The following MET variants were observed in gnomAD, a reference collection of about 807,000 sequenced individuals.
MET encodes hepatocyte growth factor receptor.
A neutral mutation model predicts 133.1 loss-of-function variants in MET; 48 were observed. That is an observed-to-expected ratio of 0.36 (90% confidence interval 0.29 to 0.46). The LOEUF is 0.46. Ranked by LOEUF, MET falls within the 20% of genes least tolerant of loss-of-function variation. MET has a pLI of 1.00. For synonymous variants in MET, 628 were observed against 616.5 expected, an observed-to-expected ratio of 1.02 and a Z score of -0.28; for missense variants, 1,442 against 1,695.9, an observed-to-expected ratio of 0.85 and a Z score of 2.63.
At chr7:116,791,276 A>G (rs1795482911) in intron 19 of MET, among the ~76,000 whole-genome samples, 1 of 152,198 alleles carries the variant, frequency 6.6e-6, no homozygotes, top group African/African-American at 2.4e-5. Context: ...GAAACTGCCA[A>G]CTATTTTTCA....
At chr7:116,757,081 AT>A (rs1264467440) in intron 6 of MET, among the ~76,000 whole-genome samples, 3 of 150,646 alleles carry the variant, frequency 2.0e-5, no homozygotes, top group South Asian at 2.1e-4. Flanking sequence ...AAAAAAAAAA[AT>A]TTTTTTTTAA....
chr7:116,746,378 C>T (rs894150896), intron 5 of MET, among the ~76,000 whole-genome samples: 14 of 152,162 alleles, frequency 9.2e-5, no homozygotes, highest in Non-Finnish European at 1.8e-4. Flanking sequence ...GTGGTGATTC[C>T]TTAGGGATCT....
At chr7:116,698,252 G>A (rs1356646352) in intron 1 of MET, among the ~76,000 whole-genome samples, 1 of 152,118 alleles carries the variant, frequency 6.6e-6, no homozygotes, top group Non-Finnish European at 1.5e-5. Flanking sequence ...TAGAAATACT[G>A]TCTATATGCA....
At chr7:116,763,485 T>C (rs1427793414) in intron 11 of MET, among the ~76,000 whole-genome samples, 2 of 152,228 alleles carry the variant, frequency 1.3e-5, no homozygotes. Flanking sequence ...TTCTTGTGTA[T>C]GTATTAAAAC....
chr7:116,778,461 G>A (rs1477730068), intron 16 of MET, among the ~76,000 whole-genome samples: 1 of 152,172 alleles, frequency 6.6e-6, no homozygotes, highest in Non-Finnish European at 1.5e-5. Context: ...TTTGTTGGAA[G>A]TCTGACCATG....
chr7:116,771,488 T>C lies in MET; in HGVS notation c.2731-10T>C, dbSNP rs1360184564. 1.2e-6 allele frequency: 2 copies of C among 1,613,522 alleles called. No individual in the cohort carries two copies. Among genetic ancestry groups the C allele is most frequent in the Admixed American group, 3.3e-5 (2 of 60,008 alleles). On this transcript the variant is annotated splice_polypyrimidine_tract_variant and intron_variant, in intron 12 of 20. Transcript: ENST00000397752. ...CTAAATGCTGACTTTTCTTTATTTG[T>C]CATTTTTAGTGGAAGCAAGCAATTT...
intron 1 of MET, among the ~76,000 whole-genome samples, chr7:116,684,859 A>G (rs1459492041): frequency 1.3e-5 from 2 of 152,202 alleles, no homozygotes; most frequent in Non-Finnish European, 2.9e-5. Context: ...GTTTAGAAAG[A>G]TATCTCTGGT....
intron 2 of MET, among the ~76,000 whole-genome samples, chr7:116,725,020 C>G (rs1452461998): frequency 6.6e-6 from 1 of 152,092 alleles, no homozygotes; most frequent in Non-Finnish European, 1.5e-5. Flanking sequence ...CAGCCTTGGC[C>G]CATGGGCATG....
chr7:116,672,584 T>C lies in MET; in HGVS notation c.-15+7T>C, dbSNP rs1452924621. 1 of 388,030 alleles carries C rather than the reference T, an allele frequency of 2.6e-6. No individual in the cohort carries two copies. The highest frequency in any genetic ancestry group is 2.1e-5 in the African/African-American group (1 of 48,204). 24.0% of individuals were successfully genotyped at this position (388,030 alleles called of 1,614,324 possible). A position where few individuals can be genotyped will look rare whatever the true frequency, so the allele number is the denominator to read the frequency against. On this transcript the variant is annotated splice_region_variant and intron_variant, in intron 1 of 20. Coordinates refer to ENST00000397752, the MANE Select transcript of MET (RefSeq NM_000245.4). The stretch of plus-strand genomic sequence containing the variant: ...GGTTCCTGGGCACCGAAAGGTAAAA[T>C]TGCAGCCCCTTTCAGATCCAGTACC...
intron 19 of MET, among the ~76,000 whole-genome samples, chr7:116,790,989 A>G (rs888419274): frequency 2.4e-4 from 37 of 152,190 alleles, no homozygotes; most frequent in African/African-American, 8.7e-4. Flanking sequence ...GCGGCGGGAC[A>G]GTTGCTTGAA....
intron 19 of MET, among the ~76,000 whole-genome samples, chr7:116,788,791 AC>A (rs1463189325): frequency 2.0e-5 from 3 of 152,166 alleles, no homozygotes; most frequent in African/African-American, 7.2e-5. Context: ...GTATGTTGAA[AC>A]CTGCGACCAA....
chr7:116,708,605 TCTTCATA>T (rs1791883377), intron 2 of MET, among the ~76,000 whole-genome samples: 1 of 152,212 alleles, frequency 6.6e-6, no homozygotes, highest in Admixed American at 6.5e-5. Flanking sequence ...ATGTGGTTCT[TCTTCATA>T]TGAAGAAAAT....
rs766209435 is a variant in MET at position 116,740,046 on chromosome 7, A to G, written c.1489A>G (p.Asn497Asp). 1.9e-6 allele frequency: 3 copies of G among 1,614,110 alleles called. No individual in the cohort carries two copies. The highest frequency in any genetic ancestry group is 1.7e-5 in the Admixed American group (1 of 60,020). The change falls in exon 4 of 21, where the codon AAC (asparagine) becomes GAC (aspartate). Residue 497 changes from asparagine to aspartate, a missense_variant. Asn to Asp is a conservative substitution (Grantham distance 23). Around this residue, in one of 6 missense-constraint regions of MET, gnomAD observed 762 missense variants for 792.4 expected, o/e 0.96. Transcript: ENST00000397752. ...AGAAGTGATTGTGGAGCATACATTAAACCAAAATGGCTACACACTGGTTAT... is the reference window on the plus strand; with the variant it reads ...AGAAGTGATTGTGGAGCATACATTAGACCAAAATGGCTACACACTGGTTAT... The part of the protein sequence containing the change: ...SPEVIVEHTL[N>D]QNGYTLVITG...
chr7:116,740,832 T>A lies in MET; in HGVS notation c.1528-20T>A. On this transcript the variant is annotated intron_variant, in intron 4 of 20. Coordinates refer to ENST00000397752, the MANE Select transcript of MET (RefSeq NM_000245.4). ...ACTAGATACCCCTCTGGAAGCTCTT[T>A]CCACCCCTTCTCTTCACAGATCACG... 6.2e-7 allele frequency: 1 copy of A among 1,613,668 alleles called. No individual in the cohort carries two copies. Among genetic ancestry groups the A allele is most frequent in the Non-Finnish European group, 8.5e-7 (1 of 1,179,964 alleles).
intron 2 of MET, among the ~76,000 whole-genome samples, chr7:116,722,716 T>G (rs1258771719): frequency 3.3e-5 from 5 of 149,352 alleles, no homozygotes; most frequent in East Asian, 2.0e-4. Context: ...GTCTGTAAAG[T>G]ATTTTATTTC....
Position 116,739,956 on chromosome 7 carries a change from G to A in MET, c.1399G>A (p.Val467Ile), listed in dbSNP as rs1004264326. The change falls in exon 4 of 21, where the codon GTT becomes ATT. Residue 467 changes from valine to isoleucine, a missense_variant. Val to Ile is a conservative substitution (Grantham distance 29). Coordinates refer to ENST00000397752, the MANE Select transcript of MET (RefSeq NM_000245.4). ...TSEGRFMQVVVSRSGPSTPHV... is the reference protein window; with the variant it reads ...TSEGRFMQVVISRSGPSTPHV... ...TAACTTTTTTGCTGTTTAGGTTGTG[G>A]TTTCTCGATCAGGACCATCAACCCC... is the stretch of plus-strand genomic sequence containing the variant. 7.4e-6 allele frequency: 12 copies of A among 1,613,988 alleles called. No individual in the cohort carries two copies. Among genetic ancestry groups the A allele is most frequent in the Non-Finnish European group, 1.0e-5 (12 of 1,179,944 alleles).
chr7:116,764,398 A>G (rs1383011276), intron 11 of MET, among the ~76,000 whole-genome samples: 10 of 151,784 alleles, frequency 6.6e-5, no homozygotes, highest in Non-Finnish European at 5.9e-5. Flanking sequence ...CTTTTTTTTT[A>G]ATAAAACTAA....
chr7:116,716,793 G>T (rs1792257286), intron 2 of MET, among the ~76,000 whole-genome samples: 1 of 152,218 alleles, frequency 6.6e-6, no homozygotes, highest in African/African-American at 2.4e-5. Flanking sequence ...TGAGGGCAGA[G>T]CCACAGTAGC....
chr7:116,687,447 C>T (rs749022411), intron 1 of MET, among the ~76,000 whole-genome samples: 1 of 152,132 alleles, frequency 6.6e-6, no homozygotes, highest in African/African-American at 2.4e-5. Flanking sequence ...TTTCTGGTGA[C>T]ATATTGATCT....
Sources: allele counts gnomAD v4.1 joint callset (sites outside exome capture counted in the v4.1 genomes callset), GRCh38; gene constraint gnomAD v4.1.1; regional missense constraint gnomAD v4.1.1; transcripts MANE v1.5; gene names NCBI Gene and HGNC (gene_info 2026-07-23, HGNC 2026-07-21).